CHRNB4: variants seen among roughly 807,000 people sequenced by gnomAD.
CHRNB4 encodes the protein cholinergic receptor nicotinic beta 4 subunit.
Under a neutral mutation model 40.4 loss-of-function variants are expected in CHRNB4, and 23 were observed. The ratio of observed to expected loss-of-function variants is 0.57; its 90% confidence interval spans 0.41 to 0.81. The LOEUF is 0.81. CHRNB4 is among the 30% of genes least tolerant of loss of function. CHRNB4 has a pLI of 0.00. For synonymous variants in CHRNB4, 285 were observed against 274.4 expected (o/e 1.04, Z -0.38); for missense variants, 568 against 670.6 (o/e 0.85, Z 1.69).
At chr15:78,660,042 A>T (rs2054239630) in intron 1 of CHRNB4, among the ~76,000 whole-genome samples, 2 of 152,066 alleles carry the variant, frequency 1.3e-5, no homozygotes, top group African/African-American at 4.8e-5. Context: ...CCCCTTCTCT[A>T]CTAATAATAC....
Position 78,628,949 on chromosome 15 carries a change from G to C in CHRNB4, c.1338+18C>G. ...CCTTTCTGTTGGGCAGGTGGGCAGGGGCTGGTTAGCAACTTACACTCTGGT... is the reference window on the plus strand; with the variant it reads ...CCTTTCTGTTGGGCAGGTGGGCAGGCGCTGGTTAGCAACTTACACTCTGGT... On this transcript the variant is annotated intron_variant, in intron 5 of 5. Coordinates refer to ENST00000261751, the MANE Select transcript of CHRNB4 (RefSeq NM_000750.5). The C allele has an allele frequency of 2.5e-6, 4 of 1,596,980 alleles. No homozygotes were observed. The highest frequency in any genetic ancestry group is 3.4e-6 in the Non-Finnish European group (4 of 1,168,226).
intron 5 of CHRNB4, chr15:78,627,791 C>G (rs1209753016): frequency 6.6e-6 from 1 of 152,202 alleles, no homozygotes; most frequent in Non-Finnish European, 1.5e-5. Flanking sequence ...GTTATTTATT[C>G]AAAGGAGTCA....
intron 2 of CHRNB4, chr15:78,634,679 C>T: frequency 2.2e-6 from 1 of 455,918 alleles, no homozygotes; most frequent in South Asian, 1.5e-5. Flanking sequence ...GGACACAGCG[C>T]CCTGCACTCT....
In CHRNB4 at chr15:78,641,191, C is replaced by A. The variant is rs1285499469; in HGVS notation, c.-58G>T. The A allele has an allele frequency of 3.5e-6, 5 of 1,428,632 alleles. No homozygotes were observed. Among genetic ancestry groups the A allele is most frequent in the Non-Finnish European group, 4.6e-6 (5 of 1,088,040 alleles). 88.5% of individuals were successfully genotyped at this position (1,428,632 alleles called of 1,614,324 possible). ...CTCCGCTGTGGGGTCACAGGGCACC[C>A]GTGAGCCGCGCGGTCGAGTGAGCGC... On this transcript the variant is annotated 5_prime_UTR_variant, in exon 1 of 6. Transcript: ENST00000261751.
intron 1 of CHRNB4, among the ~76,000 whole-genome samples, chr15:78,638,854 G>GCAGCA (rs1182681056): frequency 3.3e-5 from 5 of 152,210 alleles, no homozygotes; most frequent in East Asian, 1.9e-4. Context: ...GGAAGCTTCT[G>GCAGCA]CAGCACGGTC....
chr15:78,641,724 C>A (rs1014344578), upstream of CHRNB4, among the ~76,000 whole-genome samples: 1 of 152,164 alleles, frequency 6.6e-6, no homozygotes, highest in Non-Finnish European at 1.5e-5. Flanking sequence ...TAGCTCAGGG[C>A]CCCTCACCCA....
Position 78,625,182 on chromosome 15 carries a change from AAG to A in CHRNB4, c.1446_1447del (p.Phe483ProfsTer7). The A allele has an allele frequency of 6.2e-7, 1 of 1,612,232 alleles. No individual in the cohort carries two copies. Among genetic ancestry groups the A allele is most frequent in the South Asian group, 1.1e-5 (1 of 91,014 alleles). ...CCCCTCAGAAGCTGCATGGGTCTGG[AAG>A]AGGGGCGGTAGGAAGAGCCCCACAG... On this transcript the variant is annotated frameshift_variant, in exon 6 of 6. Coordinates refer to ENST00000261751, the MANE Select transcript of CHRNB4 (RefSeq NM_000750.5). LOFTEE classifies it low-confidence loss of function (END_TRUNC).
intron 1 of CHRNB4, among the ~76,000 whole-genome samples, chr15:78,636,138 C>T (rs1369063022): frequency 2.0e-5 from 3 of 152,246 alleles, no homozygotes; most frequent in Admixed American, 2.0e-4. Flanking sequence ...AACTCCTGGC[C>T]TCAGGTGATC....
intron 4 of CHRNB4, 55 bp downstream of exon 4, chr15:78,631,021 G>C: frequency 1.4e-6 from 2 of 1,402,930 alleles, no homozygotes; most frequent in South Asian, 2.3e-5. Flanking sequence ...TCTTAGGGCT[G>C]GGCCTGCTGC....
At chr15:78,634,141 T>C (rs2053895003) in intron 2 of CHRNB4, among the ~76,000 whole-genome samples, 1 of 152,186 alleles carries the variant, frequency 6.6e-6, no homozygotes, top group South Asian at 2.1e-4. Context: ...ATATTTACTG[T>C]ATACACAAGC....
At chr15:78,656,582 T>C (rs1421849777) in exon 4 of CHRNB4, 2 of 152,166 alleles carry the variant, frequency 1.3e-5, no homozygotes, top group Admixed American at 1.3e-4. Flanking sequence ...AAAACTTTTA[T>C]GATGAACTCT....
At chr15:78,632,153 CTTTCT>C (rs1384437294) in intron 2 of CHRNB4, among the ~76,000 whole-genome samples, 2 of 108,412 alleles carry the variant, frequency 1.8e-5, no homozygotes, top group African/African-American at 9.0e-5. Flanking sequence ...TTCTTTCTGT[CTTTCT>C]TTTCTTTTCT....
chr15:78,644,145 A>G (rs948859404), upstream of CHRNB4, among the ~76,000 whole-genome samples: 2 of 151,676 alleles, frequency 1.3e-5, no homozygotes, highest in African/African-American at 4.8e-5. Context: ...CCTGGGTGAC[A>G]GAGCGAGACT....
At chr15:78,650,919 G>A (rs142818340) in intron 6 of CHRNB4, among the ~76,000 whole-genome samples, 263 of 152,314 alleles carry the variant, frequency 1.7e-3, no homozygotes, top group Admixed American at 3.6e-3. Flanking sequence ...TTTGTTTCGT[G>A]CAAGTGTAGT....
chr15:78,656,827 C>A (rs1460228537), intron 3 of CHRNB4: 1 of 152,138 alleles, frequency 6.6e-6, no homozygotes, highest in African/African-American at 2.4e-5. Context: ...TGGGGCAGAT[C>A]CTGCAGTGGG....
intron 5 of CHRNB4, among the ~76,000 whole-genome samples, 188 bp from the exon 6 acceptor site, chr15:78,625,479 T>C (rs1239008372): frequency 6.6e-6 from 1 of 152,136 alleles, no homozygotes; most frequent in Non-Finnish European, 1.5e-5. Flanking sequence ...CTGGCTGTTC[T>C]CCACCTCCAC....
rs1412601196 is a variant in CHRNB4, at chr15:78,631,352, T to G, written c.205-20A>C. 6.2e-7 allele frequency: 1 copy of G among 1,612,054 alleles called. No homozygotes were observed. The highest frequency in any genetic ancestry group is 8.5e-7 in the Non-Finnish European group (1 of 1,179,456). ...CTCATTCTGGGGAGGGAAACGGGGC[T>G]ATCAGTTCACCAGGAAGGAGGAGCC... On this transcript the variant is annotated intron_variant, in intron 2 of 5. Coordinates refer to ENST00000261751, the MANE Select transcript of CHRNB4 (RefSeq NM_000750.5).
Position 78,631,285 on chromosome 15 carries a change from T to C in CHRNB4, c.249+3A>G, listed in dbSNP as rs2053804464. On this transcript the variant is annotated splice_donor_region_variant and intron_variant, in intron 3 of 5. Transcript: ENST00000261751. ...GGGGCTCAGGGCCCTTCAGGGCACT[T>C]ACCTGTTTCAGCCAGACATTGGTGG... The C allele has an allele frequency of 1.2e-6, 2 of 1,614,018 alleles. No homozygotes were observed. Among genetic ancestry groups the C allele is most frequent in the African/African-American group, 1.3e-5 (1 of 74,942 alleles).
chr15:78,626,810 T>C (rs1272425824), intron 5 of CHRNB4: 1 of 152,240 alleles, frequency 6.6e-6, no homozygotes, highest in Non-Finnish European at 1.5e-5. Flanking sequence ...TGGAGCTTAA[T>C]GAACACTGGT....
Sources: gnomAD v4.1 joint callset for allele counts (sites outside exome capture counted in the v4.1 genomes callset) on GRCh38, gnomAD v4.1.1 for gene constraint, MANE v1.5 for transcripts, NCBI Gene and HGNC (gene_info 2026-07-23, HGNC 2026-07-21) for gene names.